Variants in MRPS27 observed in about 807,000 individuals in gnomAD.
The protein encoded by MRPS27 is mitochondrial ribosomal protein S27.
MRPS27 carries 43 observed loss-of-function variants against 48.9 expected under a neutral mutation model. The observed-to-expected ratio is 0.88, with a 90% CI of 0.69 to 1.13. The LOEUF (loss-of-function observed/expected upper bound fraction) is 1.13, where lower values mean the gene tolerates loss of function less well. Ranked by LOEUF, MRPS27 falls within the 50% of genes most tolerant of loss-of-function variation. MRPS27 has a pLI of 0.00. For missense variants in MRPS27, 467 were observed against 476.3 expected (o/e 0.98, Z 0.18); for synonymous variants, 188 against 171.9 (o/e 1.09, Z -0.73).
In MRPS27 at chr5:72,231,061, C is replaced by T. The variant is rs1748053213; in HGVS notation, c.591+1382G>A. Among the ~76,000 whole-genome samples the T allele has an allele frequency of 2.0e-5, 3 of 152,246 alleles. No individual in the cohort carries two copies. The East Asian group carries it at 5.8e-4, about 29-fold the overall frequency. Reference sequence around the variant, plus strand: ...TACAGCCAGAAGGACCTTATCAAAACACAGATTTGATTATTATATGCCCTC... The same window carrying T: ...TACAGCCAGAAGGACCTTATCAAAATACAGATTTGATTATTATATGCCCTC... On this transcript the variant is annotated intron_variant, in intron 7 of 10. Coordinates refer to ENST00000261413, the MANE Select transcript of MRPS27 (RefSeq NM_015084.3).
chr5:72,258,083 CAAAAAA>C (rs1030737219), intron 4 of MRPS27, among the ~76,000 whole-genome samples: 3 of 61,348 alleles, frequency 4.9e-5, no homozygotes, highest in Non-Finnish European at 6.8e-5. Context: ...GACTCTGTCT[CAAAAAA>C]AAAAAAAAAA....
intron 2 of MRPS27, among the ~76,000 whole-genome samples, chr5:72,308,231 C>T (rs914243209): frequency 2.0e-5 from 3 of 152,246 alleles, no homozygotes; most frequent in Non-Finnish European, 2.9e-5. Flanking sequence ...AGAGGGGGCA[C>T]CGGAACCGCA....
intron 4 of MRPS27, 138 bp downstream of exon 4, chr5:72,295,393 C>A: frequency 6.6e-6 from 4 of 609,364 alleles, no homozygotes; most frequent in Middle Eastern, 4.6e-4. Flanking sequence ...ATCAGAAACT[C>A]TCTCTATACT....
chr5:72,277,104 T>C (rs1015013112), intron 4 of MRPS27, among the ~76,000 whole-genome samples: 1 of 151,254 alleles, frequency 6.6e-6, no homozygotes, highest in Non-Finnish European at 1.5e-5. Context: ...CCAACAAACA[T>C]ATGAAAAAAA....
intron 4 of MRPS27, among the ~76,000 whole-genome samples, chr5:72,281,844 A>AT (rs1749542308): frequency 6.6e-6 from 1 of 152,198 alleles, no homozygotes; most frequent in Admixed American, 6.5e-5. Context: ...CTCTGCCAAG[A>AT]TTTTTACCAA....
chr5:72,247,759 C>T (rs1748544901), intron 4 of MRPS27, among the ~76,000 whole-genome samples: 1 of 152,156 alleles, frequency 6.6e-6, no homozygotes, highest in South Asian at 2.1e-4. Context: ...AATTTTCCTA[C>T]ATAATATAAA....
intron 4 of MRPS27, among the ~76,000 whole-genome samples, chr5:72,284,279 C>A (rs926254573): frequency 1.4e-4 from 21 of 149,786 alleles, no homozygotes; most frequent in African/African-American, 4.9e-4. Context: ...ACCAAAAAGG[C>A]CAGGCATGGT....
chr5:72,295,037 GTGTGTGTGTGTGTT>G (rs888099028), intron 4 of MRPS27, among the ~76,000 whole-genome samples: 3 of 151,630 alleles, frequency 2.0e-5, no homozygotes, highest in South Asian at 2.1e-4. Flanking sequence ...TACTCAACTT[GTGTGTGTGTGTGTT>G]TGTGTGTGTG....
chr5:72,314,005 A>G, intron 2 of MRPS27, 76 bp downstream of exon 2: 1 of 1,034,962 alleles, frequency 9.7e-7, no homozygotes, highest in Non-Finnish European at 1.5e-6. Flanking sequence ...TTTCATATAT[A>G]CGTTATATGA....
intron 4 of MRPS27, among the ~76,000 whole-genome samples, chr5:72,276,385 C>A (rs1749374172): frequency 6.6e-6 from 1 of 152,108 alleles, no homozygotes; most frequent in Admixed American, 6.6e-5. Context: ...AAACTGGACC[C>A]CTTCCTTACC....
At chr5:72,299,529 G>A (rs1480471431) in intron 2 of MRPS27, among the ~76,000 whole-genome samples, 2 of 152,204 alleles carry the variant, frequency 1.3e-5, no homozygotes, top group Admixed American at 6.5e-5. Context: ...GGTTATAGGT[G>A]TATATTAGCT....
chr5:72,310,041 G>A (rs964946750), intron 2 of MRPS27, among the ~76,000 whole-genome samples: 2 of 152,172 alleles, frequency 1.3e-5, no homozygotes, highest in South Asian at 2.1e-4. Flanking sequence ...TATGGAAGAC[G>A]GGAGATACAA....
intron 9 of MRPS27, 136 bp from the exon 10 acceptor site, chr5:72,223,986 A>C (rs1747827736): frequency 1.1e-6 from 1 of 894,026 alleles, no homozygotes; most frequent in East Asian, 2.7e-5. Context: ...ATAAAATTGT[A>C]GGAAATATAA....
intron 4 of MRPS27, among the ~76,000 whole-genome samples, chr5:72,271,345 G>A (rs180747065): frequency 6.6e-6 from 1 of 152,252 alleles, no homozygotes; most frequent in Admixed American, 6.5e-5. Context: ...CTGGAAAGTG[G>A]AATTTAGGAA....
At chr5:72,246,885 T>C (rs941755072) in intron 4 of MRPS27, among the ~76,000 whole-genome samples, 5 of 152,186 alleles carry the variant, frequency 3.3e-5, no homozygotes, top group African/African-American at 1.2e-4. Flanking sequence ...TTGTAGGACA[T>C]CTTTAAAAAA....
rs1034955538 is a variant in MRPS27, at chr5:72,219,931, G to T, written c.*978C>A. 2 of 152,606 alleles carry T rather than the reference G, an allele frequency of 1.3e-5. No homozygotes were observed. The highest frequency in any genetic ancestry group is 4.8e-5 in the African/African-American group (2 of 41,438). The allele number at this position is 152,606 out of a possible 1,614,324, so 9.5% of individuals were successfully genotyped here. On this transcript the variant is annotated 3_prime_UTR_variant, in exon 11 of 11. Coordinates refer to ENST00000261413, the MANE Select transcript of MRPS27 (RefSeq NM_015084.3). The stretch of plus-strand genomic sequence containing the variant: ...AGAAGCCAATCCAAAAAAGCTTCAT[G>T]CTAGAGCTAGCTTTCTCCTCAGAAA...
intron 4 of MRPS27, among the ~76,000 whole-genome samples, chr5:72,288,582 G>A (rs1015526490): frequency 2.0e-5 from 3 of 152,142 alleles, no homozygotes; most frequent in African/African-American, 7.2e-5. Flanking sequence ...TATGACCAAC[G>A]ATCTGCTATT....
intron 4 of MRPS27, among the ~76,000 whole-genome samples, chr5:72,250,485 G>A (rs532109673): frequency 1.3e-5 from 2 of 152,226 alleles, no homozygotes; most frequent in East Asian, 1.9e-4. Flanking sequence ...TCACAGACAT[G>A]AGAGAGGACT....
At chr5:72,307,976 G>A (rs1233321692) in intron 2 of MRPS27, 1 of 152,306 alleles carries the variant, frequency 6.6e-6, no homozygotes, top group Non-Finnish European at 1.5e-5. Flanking sequence ...GGGCGGAAAG[G>A]AAAGTGAGGC....
Sources: allele counts gnomAD v4.1 joint callset (sites outside exome capture counted in the v4.1 genomes callset), GRCh38; gene constraint gnomAD v4.1.1; transcripts MANE v1.5; gene names NCBI Gene and HGNC (gene_info 2026-07-23, HGNC 2026-07-21).